The following CAMTA1 variants were observed in gnomAD, a reference collection of about 807,000 sequenced individuals.
CAMTA1 encodes the protein calmodulin-binding transcription activator 1.
A neutral mutation model predicts 170.9 loss-of-function variants in CAMTA1; 27 were observed. That is an observed-to-expected ratio of 0.16 (90% CI 0.12 to 0.22). The LOEUF is 0.22. CAMTA1 is among the 10% of genes least tolerant of loss of function. The pLI is 1.00. For synonymous variants in CAMTA1, 833 were observed against 891.5 expected (o/e 0.93, Z 1.17); for missense variants, 1,619 against 2,217.2 (o/e 0.73, Z 5.42).
chr1:7,099,111 T>A (rs1642426152), intron 4 of CAMTA1, among the ~76,000 whole-genome samples: 1 of 151,812 alleles, frequency 6.6e-6, no homozygotes. Flanking sequence ...TGCAATCGTG[T>A]GATCTCGGCT....
At chr1:7,164,127 C>T (rs1647860843) in intron 4 of CAMTA1, among the ~76,000 whole-genome samples, 1 of 152,278 alleles carries the variant, frequency 6.6e-6, no homozygotes, top group Admixed American at 6.5e-5. Flanking sequence ...CTTCCCCACT[C>T]CTCGCTCCCC....
chr1:7,134,884 A>G (rs1040917767), intron 4 of CAMTA1, among the ~76,000 whole-genome samples: 1 of 152,168 alleles, frequency 6.6e-6, no homozygotes, highest in East Asian at 1.9e-4. Context: ...AATATCCAGA[A>G]TCCATAATGA....
chr1:7,331,201 T>G (rs1186015228), intron 5 of CAMTA1, among the ~76,000 whole-genome samples: 1 of 152,104 alleles, frequency 6.6e-6, no homozygotes, highest in Non-Finnish European at 1.5e-5. Flanking sequence ...ATCATGCCAT[T>G]GCACTCCAGT....
chr1:6,995,045 A>G (rs1292450426), intron 3 of CAMTA1, among the ~76,000 whole-genome samples: 1 of 152,158 alleles, frequency 6.6e-6, no homozygotes, highest in African/African-American at 2.4e-5. Flanking sequence ...TCAAATTGTT[A>G]TTCTGCCATA....
At chr1:7,554,413 G>A (rs1047145358) in intron 6 of CAMTA1, among the ~76,000 whole-genome samples, 2 of 152,134 alleles carry the variant, frequency 1.3e-5, no homozygotes, top group African/African-American at 2.4e-5. Context: ...TACATGCTGC[G>A]ATAACAAATC....
chr1:7,607,320 G>A (rs537360893), intron 6 of CAMTA1, among the ~76,000 whole-genome samples: 167 of 150,700 alleles, frequency 1.1e-3, no homozygotes, highest in African/African-American at 3.9e-3. Context: ...TGGTAGGTGG[G>A]TGGATGGATG....
intron 3 of CAMTA1, among the ~76,000 whole-genome samples, chr1:6,864,876 T>C (rs1419755396): frequency 6.6e-6 from 1 of 152,184 alleles, no homozygotes; most frequent in Non-Finnish European, 1.5e-5. Context: ...GAGACGTGCC[T>C]CGGCATGTCA....
Position 7,041,584 on chromosome 1 carries a change from A to G in CAMTA1, c.235-49720A>G, listed in dbSNP as rs1233715258. Among the ~76,000 whole-genome samples the G allele has an allele frequency of 1.3e-5, 2 of 152,258 alleles. No homozygotes were observed. The highest frequency in any genetic ancestry group is 4.8e-5 in the African/African-American group (2 of 41,466). On this transcript the variant is annotated intron_variant, in intron 3 of 22. Coordinates refer to ENST00000303635, the MANE Select transcript of CAMTA1 (RefSeq NM_015215.4). The surrounding 1 kb of genome is among the most constrained non-coding windows in gnomAD (Gnocchi z 5.1). ...AAAGACAGTTCTGTAGAAATGTGAA[A>G]CATTATTATGTTATAGAATATTGGA...
intron 6 of CAMTA1, among the ~76,000 whole-genome samples, chr1:7,623,200 T>C (rs749499700): frequency 1.3e-5 from 2 of 152,230 alleles, no homozygotes; most frequent in African/African-American, 2.4e-5. Flanking sequence ...AGTCTTAGAC[T>C]TGGTCACAGT....
intron 3 of CAMTA1, among the ~76,000 whole-genome samples, chr1:7,073,141 T>C (rs1385319070): frequency 2.0e-5 from 3 of 152,044 alleles, no homozygotes; most frequent in Non-Finnish European, 4.4e-5. Context: ...CAGATTTGCT[T>C]CTAATGTTTC....
At position 7,455,887 on chromosome 1, in the gene CAMTA1, T is replaced by C. The variant is rs2092939374; in HGVS notation, c.439-11943T>C. On this transcript the variant is annotated intron_variant, in intron 5 of 22. Transcript: ENST00000303635. This position sits in a 1 kb window ranked among gnomAD's most constrained non-coding sequence, Gnocchi z 5.0. Reference sequence around the variant, plus strand: ...TCTGCTCTCCTCTGGGAATGGCAGATGAGTAGAGAGAAAGGCCGGCCACCT... The same window carrying C: ...TCTGCTCTCCTCTGGGAATGGCAGACGAGTAGAGAGAAAGGCCGGCCACCT... 2.0e-5 allele frequency among the ~76,000 whole-genome samples: 3 copies of C among 152,100 alleles called. No homozygotes were observed. The highest frequency in any genetic ancestry group is 6.5e-5 in the Admixed American group (1 of 15,278).
At chr1:7,373,659 T>C (rs1264601096) in intron 5 of CAMTA1, among the ~76,000 whole-genome samples, 1 of 152,232 alleles carries the variant, frequency 6.6e-6, no homozygotes, top group Non-Finnish European at 1.5e-5. Flanking sequence ...GGGAAACTTA[T>C]AAATTATTTG....
intron 3 of CAMTA1, among the ~76,000 whole-genome samples, chr1:6,981,054 C>T (rs1293606608): frequency 6.6e-6 from 1 of 152,100 alleles, no homozygotes; most frequent in Admixed American, 6.5e-5. Flanking sequence ...TACGTGCTGG[C>T]ACAGTCTCGG....
In CAMTA1 at chr1:6,960,352, G is replaced by A. The variant is rs552923417; in HGVS notation, c.235-130952G>A. On this transcript the variant is annotated intron_variant, in intron 3 of 22. Transcript: ENST00000303635. ...ACAGAGGCCTGGCCTGGGCTCCAGGGACAGTGTGGGCCCCCATTTTGGAGG... is the reference window on the plus strand; with the variant it reads ...ACAGAGGCCTGGCCTGGGCTCCAGGAACAGTGTGGGCCCCCATTTTGGAGG... Among the ~76,000 whole-genome samples the A allele has an allele frequency of 6.6e-5, 10 of 152,236 alleles. No individual in the cohort carries two copies. In the East Asian group the frequency reaches 1.7e-3, roughly 27 times the overall value.
chr1:7,594,109 A>AAGAG (rs2095375593), intron 6 of CAMTA1, among the ~76,000 whole-genome samples: 1 of 148,758 alleles, frequency 6.7e-6, no homozygotes, highest in African/African-American at 2.5e-5. Context: ...AGAAGAAAGA[A>AAGAG]AGAAAGAGAG....
At chr1:7,583,825 G>C (rs1260426835) in intron 6 of CAMTA1, among the ~76,000 whole-genome samples, 24 of 152,152 alleles carry the variant, frequency 1.6e-4, no homozygotes, top group Admixed American at 1.6e-3. Context: ...CCACTTAGAA[G>C]GTGCCGTCTC....
chr1:7,657,016 T>C (rs1479681802), intron 7 of CAMTA1, among the ~76,000 whole-genome samples: 1 of 152,198 alleles, frequency 6.6e-6, no homozygotes, highest in African/African-American at 2.4e-5. Context: ...GGCAGCCCTG[T>C]CCGCGAGAAT....
In CAMTA1 at chr1:6,907,588, C is replaced by T. The variant is rs56254898; in HGVS notation, c.234+82378C>T. Reference sequence around the variant, plus strand: ...GCACCGTTCGGGGCTTCATGGGACTCCTGCTGAATGGTGAGCCGGTGGTCC... The same window carrying T: ...GCACCGTTCGGGGCTTCATGGGACTTCTGCTGAATGGTGAGCCGGTGGTCC... On this transcript the variant is annotated intron_variant, in intron 3 of 22. Coordinates refer to ENST00000303635, the MANE Select transcript of CAMTA1 (RefSeq NM_015215.4). Among the ~76,000 whole-genome samples the T allele has an allele frequency of 6.5e-3, 984 of 152,298 alleles. 7 individuals are homozygous for T. Among genetic ancestry groups the T allele is most frequent in the Non-Finnish European group, 8.5e-3 (581 of 68,022 alleles).
At chr1:7,180,874 T>C (rs1185024036) in intron 4 of CAMTA1, among the ~76,000 whole-genome samples, 1 of 152,190 alleles carries the variant, frequency 6.6e-6, no homozygotes, top group African/African-American at 2.4e-5. Flanking sequence ...CGAAAATAAA[T>C]GAATGTTTTC....
Sources: allele counts gnomAD v4.1 joint callset (sites outside exome capture counted in the v4.1 genomes callset), GRCh38; gene constraint gnomAD v4.1.1; non-coding constraint Gnocchi (gnomAD v3.1); transcripts MANE v1.5; gene names NCBI Gene and HGNC (gene_info 2026-07-23, HGNC 2026-07-21).